ALK: variants seen among roughly 807,000 people sequenced by gnomAD.
ALK encodes ALK receptor tyrosine kinase.
Under a neutral mutation model 163.1 loss-of-function variants are expected in ALK, and 74 were observed. The ratio of observed to expected loss-of-function variants is 0.45; its 90% CI spans 0.38 to 0.55. The LOEUF (loss-of-function observed/expected upper bound fraction) is 0.55, where lower values mean the gene tolerates loss of function less well. Among genes scored for constraint, ALK ranks in the 20% least tolerant of loss-of-function variants. The pLI, the probability that ALK is intolerant of heterozygous loss-of-function variation, is 0.00. For missense variants in ALK, 2,063 were observed against 2,105.3 expected, an observed-to-expected ratio of 0.98 and a Z score of 0.39; for synonymous variants, 960 against 843.2, an observed-to-expected ratio of 1.14 and a Z score of -2.40.
intron 1 of ALK, among the ~76,000 whole-genome samples, chr2:29,725,363 C>G (rs987157504): frequency 5.3e-5 from 8 of 152,092 alleles, no homozygotes; most frequent in South Asian, 2.1e-4. Context: ...TTCTCCACCC[C>G]CTGCTTTCCT....
intron 1 of ALK, among the ~76,000 whole-genome samples, chr2:29,822,405 G>A (rs1420146837): frequency 6.6e-6 from 1 of 152,218 alleles, no homozygotes; most frequent in Non-Finnish European, 1.5e-5. Context: ...CAGAGGAAAT[G>A]GGAAATTCAT....
At chr2:29,557,906 C>A (rs547569126) in intron 3 of ALK, among the ~76,000 whole-genome samples, 10 of 152,104 alleles carry the variant, frequency 6.6e-5, no homozygotes, top group African/African-American at 2.4e-4. Flanking sequence ...TATACTCATG[C>A]GCTCTTTCGA....
chr2:29,379,260 C>A (rs557160695), intron 5 of ALK, among the ~76,000 whole-genome samples: 2 of 152,252 alleles, frequency 1.3e-5, no homozygotes, highest in South Asian at 2.1e-4. Context: ...CTTTCACTGG[C>A]CTTTCAGTGA....
intron 1 of ALK, among the ~76,000 whole-genome samples, chr2:29,770,459 A>G (rs977141926): frequency 4.6e-5 from 7 of 152,276 alleles, no homozygotes; most frequent in Non-Finnish European, 7.3e-5. Flanking sequence ...ACTCTTACTA[A>G]GAGCAGAAAC....
intron 28 of ALK, 26 bp from the exon 29 acceptor site, chr2:29,193,948 T>C (rs779312357): frequency 2.5e-6 from 4 of 1,609,750 alleles, no homozygotes; most frequent in Non-Finnish European, 3.4e-6. Flanking sequence ...TTATTAAAAC[T>C]TTGAATCAGA....
intron 23 of ALK, among the ~76,000 whole-genome samples, chr2:29,214,760 A>T (rs970181708): frequency 1.4e-4 from 22 of 152,206 alleles, no homozygotes; most frequent in African/African-American, 3.1e-4. Context: ...AGAAGGCGAC[A>T]TCCCATCTTG....
chr2:29,438,848 C>T (rs1217298914), intron 4 of ALK, among the ~76,000 whole-genome samples: 1 of 152,150 alleles, frequency 6.6e-6, no homozygotes, highest in Non-Finnish European at 1.5e-5. Flanking sequence ...TACAATATCC[C>T]CCAGCGCTCC....
chr2:29,475,830 GCCT>G (rs1256687461), intron 4 of ALK, among the ~76,000 whole-genome samples: 20 of 151,894 alleles, frequency 1.3e-4, no homozygotes, highest in African/African-American at 4.8e-4. Flanking sequence ...GACTCTGAGT[GCCT>G]GAAGAGGAAT....
intron 3 of ALK, among the ~76,000 whole-genome samples, chr2:29,688,730 C>T (rs1178420174): frequency 2.0e-5 from 3 of 152,140 alleles, no homozygotes; most frequent in Non-Finnish European, 2.9e-5. Context: ...AGCGGTCACT[C>T]CAATTACATT....
chr2:29,368,842 C>T (rs1270161889), intron 5 of ALK, among the ~76,000 whole-genome samples: 1 of 152,146 alleles, frequency 6.6e-6, no homozygotes, highest in East Asian at 1.9e-4. Context: ...TATTTAAACC[C>T]TTTAAAACCC....
At chr2:29,504,570 G>A (rs1672265265) in intron 4 of ALK, among the ~76,000 whole-genome samples, 1 of 152,056 alleles carries the variant, frequency 6.6e-6, no homozygotes, top group Non-Finnish European at 1.5e-5. Flanking sequence ...TTTTGGAGAT[G>A]GAATTGACAG....
intron 27 of ALK, among the ~76,000 whole-genome samples, 162 bp downstream of exon 27, chr2:29,197,380 A>C (rs1455876481): frequency 4.6e-5 from 7 of 152,206 alleles, no homozygotes; most frequent in Non-Finnish European, 1.0e-4. Context: ...TGGGAGACGC[A>C]TCCATCTCAC....
chr2:29,487,171 A>C (rs1460628479), intron 4 of ALK, among the ~76,000 whole-genome samples: 2 of 152,200 alleles, frequency 1.3e-5, no homozygotes, highest in Non-Finnish European at 2.9e-5. Context: ...AAAAAAGTAG[A>C]CAAAATTGGA....
chr2:29,491,419 G>A (rs1671896324), intron 4 of ALK, among the ~76,000 whole-genome samples: 2 of 151,986 alleles, frequency 1.3e-5, no homozygotes, highest in South Asian at 2.1e-4. Flanking sequence ...ATTCCATGCT[G>A]TCTCTACTCT....
At chr2:29,593,449 T>C (rs1395041247) in intron 3 of ALK, among the ~76,000 whole-genome samples, 1 of 152,204 alleles carries the variant, frequency 6.6e-6, no homozygotes, top group Non-Finnish European at 1.5e-5. Flanking sequence ...TGACACTGCC[T>C]TAGAGACCCT....
At chr2:29,758,929 T>C (rs1435519130) in intron 1 of ALK, among the ~76,000 whole-genome samples, 3 of 152,166 alleles carry the variant, frequency 2.0e-5, no homozygotes, top group Non-Finnish European at 4.4e-5. Context: ...CGGTGTTTCC[T>C]GTCCAACAAT....
intron 3 of ALK, among the ~76,000 whole-genome samples, chr2:29,637,337 G>A (rs1676564532): frequency 6.6e-6 from 1 of 152,112 alleles, no homozygotes; most frequent in Non-Finnish European, 1.5e-5. Context: ...AAGTTCAACA[G>A]GTTTTATGCC....
At chr2:29,733,471 ACTAG>A (rs1238487254) in intron 1 of ALK, among the ~76,000 whole-genome samples, 1 of 152,224 alleles carries the variant, frequency 6.6e-6, no homozygotes, top group Non-Finnish European at 1.5e-5. Flanking sequence ...TCCAACACTT[ACTAG>A]CACCTACGTG....
chr2:29,664,860 A>G (rs1275765078), intron 3 of ALK, among the ~76,000 whole-genome samples: 2 of 152,076 alleles, frequency 1.3e-5, no homozygotes, highest in African/African-American at 4.8e-5. Context: ...AGTCTTCCAT[A>G]TCACTTACGG....
Sources: gnomAD v4.1 joint callset for allele counts (sites outside exome capture counted in the v4.1 genomes callset) on GRCh38, gnomAD v4.1.1 for gene constraint, MANE v1.5 for transcripts, NCBI Gene and HGNC (gene_info 2026-07-23, HGNC 2026-07-21) for gene names.